MCF2L: variants seen among roughly 807,000 people sequenced by gnomAD.
MCF2L encodes guanine nucleotide exchange factor DBS.
In MCF2L, 97 loss-of-function variants were observed where a neutral mutation model predicts 153.4. The ratio of observed to expected loss-of-function variants is 0.63; its 90% CI spans 0.54 to 0.75. The LOEUF is 0.75. Among genes scored for constraint, MCF2L ranks in the 30% least tolerant of loss-of-function variants. MCF2L has a pLI of 0.00. For synonymous variants in MCF2L, 659 were observed against 632.2 expected (o/e 1.04, Z -0.64); for missense variants, 1,347 against 1,495.2 (o/e 0.90, Z 1.64).
chr13:112,974,548 T>C (rs988523623), intron 1 of MCF2L, among the ~76,000 whole-genome samples: 54 of 152,096 alleles, frequency 3.6e-4, no homozygotes, highest in African/African-American at 1.2e-3. Flanking sequence ...CTGGGGAAAA[T>C]CACATTTGTT....
intron 2 of MCF2L, among the ~76,000 whole-genome samples, chr13:113,022,866 G>A (rs1047828575): frequency 6.6e-6 from 1 of 152,212 alleles, no homozygotes; most frequent in Non-Finnish European, 1.5e-5. Context: ...GGGATCTGAG[G>A]AATTTTCCGA....
At chr13:113,049,703 G>C (rs1029162905) in intron 4 of MCF2L, among the ~76,000 whole-genome samples, 7 of 151,928 alleles carry the variant, frequency 4.6e-5, no homozygotes, top group Non-Finnish European at 8.8e-5. Context: ...GGTGCTGCGG[G>C]CGCCACAAAG....
chr13:113,061,106 G>A (rs931168121), intron 5 of MCF2L, among the ~76,000 whole-genome samples: 24 of 152,170 alleles, frequency 1.6e-4, no homozygotes, highest in Non-Finnish European at 2.9e-4. Context: ...CCAGGGATGA[G>A]AGAAGGGCTG....
At chr13:113,078,460 C>T (rs749757722) in intron 14 of MCF2L, 24 bp downstream of exon 14, 21 of 1,594,428 alleles carry the variant, frequency 1.3e-5, no homozygotes, top group Admixed American at 3.4e-5. Flanking sequence ...AAGACAACCC[C>T]GCCATCCACA....
chr13:113,046,267 G>T lies in MCF2L; in HGVS notation c.369+906G>T, dbSNP rs1482085903. ...TGCTGCCAAAGGACCAAAAAAGGCT[G>T]CCTGTCTGCCAAGAGGTGACCCAGA... On this transcript the variant is annotated intron_variant, in intron 4 of 29. Coordinates refer to ENST00000535094, the MANE Select transcript of MCF2L (RefSeq NM_001112732.3). This position sits in a 1 kb window ranked among gnomAD's most constrained non-coding sequence, Gnocchi z 4.4. 4.5e-6 allele frequency: 1 copy of T among 221,992 alleles called. No homozygotes were observed. The allele number at this position is 221,992 out of a possible 1,614,324, so 13.8% of individuals were successfully genotyped here.
At chr13:112,967,197 G>T (rs1358028080), upstream of MCF2L, among the ~76,000 whole-genome samples, 1 of 145,570 alleles carries the variant, frequency 6.9e-6, no homozygotes, top group East Asian at 2.2e-4. Flanking sequence ...GGCGGTGGGG[G>T]ATGGGGAGTG....
chr13:112,935,728 G>A (rs191886497), intron 2 of MCF2L, among the ~76,000 whole-genome samples: 20 of 152,228 alleles, frequency 1.3e-4, no homozygotes, highest in East Asian at 1.9e-4. Context: ...TGGGTTTATC[G>A]GACATAACCC....
At chr13:113,093,798 G>T (rs948430823) in intron 26 of MCF2L, 2 of 152,412 alleles carry the variant, frequency 1.3e-5, no homozygotes, top group Admixed American at 1.3e-4. Flanking sequence ...CCCCAATGGC[G>T]TCTCCCATCT....
intron 2 of MCF2L, chr13:112,902,379 C>T: frequency 6.2e-7 from 1 of 1,610,672 alleles, no homozygotes; most frequent in Non-Finnish European, 8.5e-7. Flanking sequence ...CAGGTAGGCG[C>T]CTGGTGCTGC....
intron 2 of MCF2L, among the ~76,000 whole-genome samples, chr13:113,019,015 C>T (rs1359007673): frequency 2.0e-5 from 3 of 152,230 alleles, no homozygotes; most frequent in Admixed American, 6.5e-5. Flanking sequence ...AGGAGTTCCT[C>T]CCCTGGCCTG....
intron 2 of MCF2L, among the ~76,000 whole-genome samples, chr13:112,933,247 T>C (rs2081482110): frequency 6.6e-6 from 1 of 152,196 alleles, no homozygotes; most frequent in South Asian, 2.1e-4. Flanking sequence ...TGCCGTCTCC[T>C]TGGGCTCTGT....
chr13:112,894,590 G>A (rs566392406), intron 1 of MCF2L, among the ~76,000 whole-genome samples: 149 of 152,036 alleles, frequency 9.8e-4, no homozygotes, highest in African/African-American at 3.4e-3. Context: ...CCGGCTCGCG[G>A]TCAGGGCGGC....
intron 2 of MCF2L, chr13:112,917,169 A>G (rs2081301772): frequency 2.1e-6 from 1 of 471,018 alleles, no homozygotes; most frequent in Non-Finnish European, 4.4e-6. Flanking sequence ...GATGATTCCT[A>G]GTCCACAGCT....
In MCF2L at chr13:112,949,998, G is replaced by A. The variant is rs181971152; in HGVS notation, c.169+47627G>A. Among the ~76,000 whole-genome samples, 301 of 134,960 alleles carry A rather than the reference G, an allele frequency of 2.2e-3. 2 individuals carry two copies. The highest frequency in any genetic ancestry group is 8.8e-3 in the African/African-American group (290 of 33,050). The allele number at this position is 134,960 out of a possible 152,430, so 88.5% of individuals were successfully genotyped here. On this transcript the variant is annotated intron_variant, in intron 2 of 29. Coordinates refer to the MCF2L transcript ENST00000375608. The stretch of plus-strand genomic sequence containing the variant: ...GATCATCTGATTATAAAATCCCAAG[G>A]ATTCTACAAAAAAAAAAAAACTCCT...
intron 2 of MCF2L, among the ~76,000 whole-genome samples, chr13:112,908,140 A>G (rs1397131270): frequency 1.3e-5 from 2 of 152,178 alleles, no homozygotes; most frequent in African/African-American, 4.8e-5. Flanking sequence ...TGTTGGAAGC[A>G]TGGCTGGTAT....
chr13:113,001,741 G>A (rs917335976), intron 1 of MCF2L: 2 of 1,364,138 alleles, frequency 1.5e-6, no homozygotes, highest in South Asian at 1.8e-5. Flanking sequence ...GGCCCTGGGA[G>A]GAGCAGCCGG....
chr13:113,033,720 C>T (rs886878753), intron 3 of MCF2L, among the ~76,000 whole-genome samples: 1 of 152,164 alleles, frequency 6.6e-6, no homozygotes, highest in African/African-American at 2.4e-5. Context: ...TGGCCCCGGT[C>T]GCCCTCCATG....
At chr13:112,945,933 T>C (rs2081632760) in intron 2 of MCF2L, among the ~76,000 whole-genome samples, 1 of 152,210 alleles carries the variant, frequency 6.6e-6, no homozygotes, top group African/African-American at 2.4e-5. Context: ...TTTGGGACTG[T>C]CCCTGTGGCT....
intron 2 of MCF2L, among the ~76,000 whole-genome samples, chr13:112,911,070 C>G (rs1253825733): frequency 6.6e-6 from 1 of 152,210 alleles, no homozygotes; most frequent in African/African-American, 2.4e-5. Flanking sequence ...CGCTCCCCGG[C>G]GTCAGCTGGT....
Sources: allele counts gnomAD v4.1 joint callset (sites outside exome capture counted in the v4.1 genomes callset), GRCh38; gene constraint gnomAD v4.1.1; non-coding constraint Gnocchi (gnomAD v3.1); transcripts MANE v1.5; gene names NCBI Gene and HGNC (gene_info 2026-07-23, HGNC 2026-07-21).